The following SLIT3 variants were observed in gnomAD, a reference collection of about 807,000 sequenced individuals.
SLIT3 encodes slit homolog 3 protein.
Under a neutral mutation model 184.0 loss-of-function variants are expected in SLIT3, and 68 were observed. That is an observed-to-expected ratio of 0.37 (90% CI 0.30 to 0.45). SLIT3 has a LOEUF of 0.45. SLIT3 is among the 20% of genes least tolerant of loss of function. The pLI, the probability that SLIT3 is intolerant of heterozygous loss-of-function variation, is 1.00. For synonymous variants in SLIT3, 831 were observed against 828.6 expected (o/e 1.00, Z -0.05); for missense variants, 1,707 against 2,026.0 (o/e 0.84, Z 3.02).
intron 4 of SLIT3, among the ~76,000 whole-genome samples, chr5:169,071,551 T>C (rs1284273742): frequency 6.6e-6 from 1 of 152,240 alleles, no homozygotes; most frequent in Non-Finnish European, 1.5e-5. Context: ...TTTCTCACTC[T>C]GGAAGTTTCT....
At chr5:169,080,472 T>C (rs1483143708) in intron 4 of SLIT3, among the ~76,000 whole-genome samples, 1 of 152,082 alleles carries the variant, frequency 6.6e-6, no homozygotes, top group Non-Finnish European at 1.5e-5. Flanking sequence ...GGAGACATGA[T>C]TTGACTTGCC....
chr5:168,994,372 A>G (rs1755437600), intron 4 of SLIT3, among the ~76,000 whole-genome samples: 1 of 152,038 alleles, frequency 6.6e-6, no homozygotes, highest in South Asian at 2.1e-4. Context: ...ATTGTCCTAT[A>G]CATTTATTTT....
intron 9 of SLIT3, among the ~76,000 whole-genome samples, chr5:168,803,066 T>C (rs763231538): frequency 5.9e-5 from 9 of 152,236 alleles, no homozygotes; most frequent in Non-Finnish European, 1.2e-4. Flanking sequence ...ATGATCATTC[T>C]CAGACTTTTG....
At chr5:168,716,610 G>A (rs1349304039) in intron 23 of SLIT3, among the ~76,000 whole-genome samples, 18 of 152,384 alleles carry the variant, frequency 1.2e-4, no homozygotes, top group Middle Eastern at 3.4e-3. Flanking sequence ...CTCAAAGGCC[G>A]TGGTGAGTCC....
At chr5:169,215,979 T>G (rs2113521711) in intron 3 of SLIT3, among the ~76,000 whole-genome samples, 1 of 152,360 alleles carries the variant, frequency 6.6e-6, no homozygotes, top group Non-Finnish European at 1.5e-5. Context: ...AAACCTATTA[T>G]GAGAGTTCAT....
chr5:169,207,360 TAC>T (rs1764106186), intron 3 of SLIT3, among the ~76,000 whole-genome samples: 1 of 92,322 alleles, frequency 1.1e-5, no homozygotes, highest in Admixed American at 1.5e-4. Context: ...CTGTTTTACA[TAC>T]ACATACATAC....
In SLIT3 at chr5:169,258,977, A is replaced by T. The variant is rs573759921; in HGVS notation, c.198-7518T>A. Among the ~76,000 whole-genome samples, 3 of 152,360 alleles carry T rather than the reference A, an allele frequency of 2.0e-5. No individual in the cohort carries two copies. The South Asian group carries it at 6.2e-4, about 32-fold the overall frequency. On this transcript the variant is annotated intron_variant, in intron 1 of 35. Coordinates refer to ENST00000519560, the MANE Select transcript of SLIT3 (RefSeq NM_003062.4). ...TTAGCTATGTGGCTTTGAGAAAGGC[A>T]CTTAACTTTATGGAACTCCCATTGT...
At chr5:169,122,257 CAGACCACACTCTCG>C (rs1760908642) in intron 4 of SLIT3, among the ~76,000 whole-genome samples, 1 of 152,192 alleles carries the variant, frequency 6.6e-6, no homozygotes, top group South Asian at 2.1e-4. Context: ...GCCAAGGTCT[CAGACCACACTCTCG>C]AGAGGAGAAC....
chr5:168,989,322 T>C (rs920153149), intron 4 of SLIT3, among the ~76,000 whole-genome samples: 2 of 152,182 alleles, frequency 1.3e-5, no homozygotes, highest in African/African-American at 4.8e-5. Context: ...GGAAAGCACC[T>C]ATGAGAGGAA....
chr5:169,147,729 T>C (rs567275988), intron 4 of SLIT3, among the ~76,000 whole-genome samples: 121 of 152,098 alleles, frequency 8.0e-4, no homozygotes, highest in Middle Eastern at 3.4e-3. Context: ...AGGATGAGAG[T>C]ATAGAGATAC....
At chr5:168,721,161 G>T (rs1287928915) in intron 23 of SLIT3, among the ~76,000 whole-genome samples, 2 of 152,156 alleles carry the variant, frequency 1.3e-5, no homozygotes, top group Non-Finnish European at 2.9e-5. Context: ...AGGTTTGGGG[G>T]CGGAGTATCT....
intron 3 of SLIT3, among the ~76,000 whole-genome samples, chr5:169,213,418 G>A (rs1341732477): frequency 6.6e-6 from 1 of 152,024 alleles, no homozygotes; most frequent in Non-Finnish European, 1.5e-5. Context: ...TCACAGAATT[G>A]GAAAAAACTA....
At chr5:169,093,731 T>G (rs568079928) in intron 4 of SLIT3, among the ~76,000 whole-genome samples, 1 of 152,220 alleles carries the variant, frequency 6.6e-6, no homozygotes, top group Non-Finnish European at 1.5e-5. Context: ...CTATGGATTA[T>G]AAGCTGATGC....
chr5:168,723,602 T>C (rs1490023249), intron 21 of SLIT3, among the ~76,000 whole-genome samples: 1 of 152,240 alleles, frequency 6.6e-6, no homozygotes, highest in Non-Finnish European at 1.5e-5. Flanking sequence ...ACTGTTCCTC[T>C]ATCCCCCTTC....
chr5:168,948,012 A>G (rs6555836), intron 4 of SLIT3, among the ~76,000 whole-genome samples: 84,084 of 151,712 alleles, frequency 0.55, 25,524 homozygotes, highest in African/African-American at 0.83. Context: ...GGCTGGTCTC[A>G]AACTCCTGAC....
chr5:168,849,113 G>T (rs1386435359), intron 5 of SLIT3, among the ~76,000 whole-genome samples: 1 of 152,194 alleles, frequency 6.6e-6, no homozygotes, highest in Non-Finnish European at 1.5e-5. Flanking sequence ...TCCCCATGAA[G>T]AATACCTTGA....
At chr5:169,138,130 A>G (rs759389561) in intron 4 of SLIT3, among the ~76,000 whole-genome samples, 7 of 152,168 alleles carry the variant, frequency 4.6e-5, no homozygotes, top group Non-Finnish European at 8.8e-5. Context: ...CTGTTGGTAC[A>G]CCACCCAATT....
At chr5:168,890,444 G>T (rs1290505938) in intron 4 of SLIT3, among the ~76,000 whole-genome samples, 1 of 152,124 alleles carries the variant, frequency 6.6e-6, no homozygotes, top group Non-Finnish European at 1.5e-5. Flanking sequence ...ATCAAGAATT[G>T]GGATGGTATG....
intron 1 of SLIT3, among the ~76,000 whole-genome samples, chr5:169,269,234 C>G (rs185192041): frequency 1.5e-4 from 23 of 152,326 alleles, no homozygotes; most frequent in African/African-American, 5.5e-4. Context: ...CCCTTTGGAT[C>G]CAATGACTGC....
Sources: allele counts gnomAD v4.1 joint callset (sites outside exome capture counted in the v4.1 genomes callset), GRCh38; gene constraint gnomAD v4.1.1; transcripts MANE v1.5; gene names NCBI Gene and HGNC (gene_info 2026-07-23, HGNC 2026-07-21).